The following ZNF385D variants were observed in gnomAD, a reference collection of about 807,000 sequenced individuals.
ZNF385D encodes zinc finger protein 659.
Under a neutral mutation model 35.8 loss-of-function variants are expected in ZNF385D, and 15 were observed. That is an observed-to-expected ratio of 0.42 (90% CI 0.28 to 0.64). ZNF385D has a LOEUF of 0.64. Ranked by LOEUF, ZNF385D falls within the 30% of genes least tolerant of loss-of-function variation. ZNF385D has a pLI of 0.23. For missense variants in ZNF385D, 474 were observed against 494.6 expected (o/e 0.96, Z 0.39); for synonymous variants, 212 against 186.8 (o/e 1.13, Z -1.10).
chr3:21,583,947 T>TTTACTTAG (rs2063737193), intron 2 of ZNF385D, among the ~76,000 whole-genome samples: 1 of 128,106 alleles, frequency 7.8e-6, no homozygotes, highest in Non-Finnish European at 1.7e-5. Flanking sequence ...ATGTATTTAT[T>TTTACTTAG]TTACTTATTT....
chr3:22,251,184 C>T (rs1052837728), intron 2 of ZNF385D, among the ~76,000 whole-genome samples: 3 of 152,076 alleles, frequency 2.0e-5, no homozygotes, highest in Admixed American at 6.6e-5. Context: ...GATTTGAAAA[C>T]CTGATGTTTT....
intron 2 of ZNF385D, among the ~76,000 whole-genome samples, chr3:22,254,801 C>T (rs1339007681): frequency 2.0e-5 from 3 of 151,842 alleles, no homozygotes; most frequent in South Asian, 2.1e-4. Flanking sequence ...TAAGCAAAAT[C>T]GCAGTGCTTG....
intron 3 of ZNF385D, among the ~76,000 whole-genome samples, chr3:22,140,126 C>G (rs1313631630): frequency 1.3e-5 from 2 of 152,146 alleles, no homozygotes; most frequent in Non-Finnish European, 2.9e-5. Context: ...AAATTTATTT[C>G]CTCACAGAAC....
chr3:22,078,755 A>C (rs1191758091), intron 3 of ZNF385D, among the ~76,000 whole-genome samples: 3 of 152,086 alleles, frequency 2.0e-5, no homozygotes, highest in African/African-American at 7.2e-5. Context: ...TAAATGTCAT[A>C]AATTTGAAAA....
intron 3 of ZNF385D, among the ~76,000 whole-genome samples, chr3:22,147,125 T>G (rs1404040526): frequency 6.6e-6 from 1 of 152,178 alleles, no homozygotes; most frequent in Admixed American, 6.6e-5. Context: ...AGAGACCAAA[T>G]AAATAATTTA....
chr3:22,211,182 T>A lies in ZNF385D; in HGVS notation c.107-42147A>T, dbSNP rs1173779266. Among the ~76,000 whole-genome samples the A allele has an allele frequency of 3.9e-5, 6 of 151,972 alleles. No individual in the cohort carries two copies. The East Asian group carries it at 1.2e-3, about 29-fold the overall frequency. On this transcript the variant is annotated intron_variant, in intron 2 of 5. Coordinates refer to the ZNF385D transcript ENST00000494108. ...TATAAATTTCTCAAAAGTGGGAACA[T>A]AATAAGCATAAATAATATTTATAGT... is the stretch of plus-strand genomic sequence containing the variant.
chr3:21,563,783 C>A (rs1441573308), intron 3 of ZNF385D, among the ~76,000 whole-genome samples: 1 of 152,178 alleles, frequency 6.6e-6, no homozygotes, highest in Non-Finnish European at 1.5e-5. Flanking sequence ...TCTAGACCAA[C>A]GTTGCCTGTC....
At chr3:22,214,697 C>G (rs183462824) in intron 2 of ZNF385D, among the ~76,000 whole-genome samples, 3 of 151,922 alleles carry the variant, frequency 2.0e-5, no homozygotes, top group Admixed American at 2.0e-4. Flanking sequence ...CTTATTAGGA[C>G]GAGGAAATTC....
At chr3:21,472,674 C>T (rs568605016) in intron 4 of ZNF385D, among the ~76,000 whole-genome samples, 1 of 152,150 alleles carries the variant, frequency 6.6e-6, no homozygotes, top group Non-Finnish European at 1.5e-5. Context: ...TGAGTCTCAG[C>T]CAATTACAGC....
At chr3:21,681,877 CAT>C (rs200317868) in intron 1 of ZNF385D, among the ~76,000 whole-genome samples, 9,994 of 151,964 alleles carry the variant, frequency 0.066, 380 homozygotes, top group East Asian at 0.13. Context: ...GTATTGAAAA[CAT>C]GTAAAGAAAT....
At chr3:21,627,586 A>G (rs997962250) in intron 2 of ZNF385D, among the ~76,000 whole-genome samples, 1 of 152,110 alleles carries the variant, frequency 6.6e-6, no homozygotes, top group Non-Finnish European at 1.5e-5. Flanking sequence ...TGGGGCTGCT[A>G]TGCTATATAA....
intron 2 of ZNF385D, among the ~76,000 whole-genome samples, chr3:22,345,519 G>T (rs117318329): frequency 6.6e-6 from 1 of 152,180 alleles, no homozygotes; most frequent in African/African-American, 2.4e-5. Flanking sequence ...TTAGGCAATG[G>T]AGATATACAA....
At chr3:21,858,982 A>G (rs1352009343) in intron 3 of ZNF385D, among the ~76,000 whole-genome samples, 3 of 152,068 alleles carry the variant, frequency 2.0e-5, no homozygotes, top group African/African-American at 7.2e-5. Context: ...AACTGATTTG[A>G]TATCATGAAG....
intron 3 of ZNF385D, among the ~76,000 whole-genome samples, chr3:21,959,178 T>A (rs1702448953): frequency 6.6e-6 from 1 of 152,178 alleles, no homozygotes; most frequent in African/African-American, 2.4e-5. Flanking sequence ...TACAGCAATG[T>A]GAGAATCTTG....
intron 1 of ZNF385D, among the ~76,000 whole-genome samples, chr3:21,726,975 T>C (rs1311948245): frequency 3.9e-5 from 6 of 152,138 alleles, no homozygotes; most frequent in Non-Finnish European, 5.9e-5. Context: ...AAAAGAGATA[T>C]ATAGACCAAT....
chr3:21,684,505 A>C (rs940881039), intron 1 of ZNF385D, among the ~76,000 whole-genome samples: 1 of 150,854 alleles, frequency 6.6e-6, no homozygotes, highest in African/African-American at 2.4e-5. Flanking sequence ...CCATTTCAAT[A>C]ACGGAACCCT....
intron 3 of ZNF385D, among the ~76,000 whole-genome samples, chr3:22,122,012 A>C (rs1703113800): frequency 6.6e-6 from 1 of 152,162 alleles, no homozygotes; most frequent in African/African-American, 2.4e-5. Context: ...CCTGATCATT[A>C]CTGAGATGAC....
At position 21,418,747 on chromosome 3, in the gene ZNF385D, A is replaced by G. The variant is rs907631369; in HGVS notation, c.*2467T>C. On this transcript the variant is annotated 3_prime_UTR_variant, in exon 8 of 8. Transcript: ENST00000281523. Reference sequence around the variant, plus strand: ...AGCACGTTTTAGTGAGACTGCTTTAATTAACACTAAGTTATCTAACAGAAA... The same window carrying G: ...AGCACGTTTTAGTGAGACTGCTTTAGTTAACACTAAGTTATCTAACAGAAA... 2 of 152,236 alleles carry G rather than the reference A, an allele frequency of 1.3e-5. No individual in the cohort carries two copies. The highest frequency in any genetic ancestry group is 2.9e-5 in the Non-Finnish European group (2 of 68,042). The allele number at this position is 152,236 out of a possible 1,614,324, so 9.4% of individuals were successfully genotyped here. A position where few individuals can be genotyped will look rare whatever the true frequency, so the allele number is the denominator to read the frequency against.
intron 3 of ZNF385D, among the ~76,000 whole-genome samples, chr3:21,807,298 T>A (rs1439650048): frequency 6.6e-6 from 1 of 152,198 alleles, no homozygotes; most frequent in Non-Finnish European, 1.5e-5. Context: ...AACTTGCTAT[T>A]TTTCAAGTGT....
Sources: gnomAD v4.1 joint callset for allele counts (sites outside exome capture counted in the v4.1 genomes callset) on GRCh38, gnomAD v4.1.1 for gene constraint, MANE v1.5 for transcripts, NCBI Gene and HGNC (gene_info 2026-07-23, HGNC 2026-07-21) for gene names.